Variants in DNAH3 observed in about 807,000 individuals in gnomAD.
DNAH3 encodes the protein dynein axonemal heavy chain 3.
Under a neutral mutation model 432.5 loss-of-function variants are expected in DNAH3, and 332 were observed. The ratio of observed to expected loss-of-function variants is 0.77; its 90% CI spans 0.70 to 0.84. DNAH3 has a LOEUF of 0.84. DNAH3 is among the 40% of genes least tolerant of loss of function. The probability of loss-of-function intolerance (pLI) is 0.00; values close to 1 mark genes in which losing one functional copy is unlikely to be tolerated. For synonymous variants in DNAH3, 1,956 were observed against 1,900.2 expected (o/e 1.03, Z -0.76); for missense variants, 4,861 against 5,114.0 (o/e 0.95, Z 1.51).
intron 53 of DNAH3, among the ~76,000 whole-genome samples, chr16:20,960,785 G>T (rs965447730): frequency 9.8e-5 from 15 of 152,310 alleles, no homozygotes; most frequent in Middle Eastern, 6.8e-3. Context: ...GCTCATAACT[G>T]GTCTGGAGCC....
chr16:21,061,555 TTC>T (rs1399888011), intron 25 of DNAH3, among the ~76,000 whole-genome samples: 1 of 152,238 alleles, frequency 6.6e-6, no homozygotes, highest in Non-Finnish European at 1.5e-5. Context: ...TCATGTCATT[TTC>T]TGAAACAGAC....
chr16:21,146,674 A>G (rs1291765151), intron 1 of DNAH3, among the ~76,000 whole-genome samples: 1 of 152,136 alleles, frequency 6.6e-6, no homozygotes, highest in Non-Finnish European at 1.5e-5. Flanking sequence ...ATGCTGTACA[A>G]CAGATCTCTT....
chr16:20,986,125 G>A lies in DNAH3; in HGVS notation c.7027-410C>T, dbSNP rs556627982. ...CCCACCTCGTCCTCCCAAAGTGCTG[G>A]GATTACAGGCATGAGCCACTGTGCC... On this transcript the variant is annotated intron_variant, in intron 47 of 61. Transcript: ENST00000261383. Among the ~76,000 whole-genome samples the A allele has an allele frequency of 7.2e-5, 11 of 151,848 alleles. No homozygotes were observed. The South Asian group carries it at 1.3e-3, about 17-fold the overall frequency.
chr16:20,963,599 A>G (rs1358824196), exon 53 of DNAH3: 3 of 1,613,996 alleles, frequency 1.9e-6, no homozygotes, highest in Admixed American at 3.3e-5. Context: ...AGTTTGGGTA[A>G]GGCAGATGCA....
At chr16:21,134,498 G>T (rs572630463) in intron 6 of DNAH3, 44 bp from the exon 8 acceptor site, 3 of 1,557,820 alleles carry the variant, frequency 1.9e-6, no homozygotes, top group East Asian at 2.3e-5. Context: ...AGCTCTAAGG[G>T]TTGTGCTCTT....
At chr16:21,048,447 C>T (rs1318799907) in intron 31 of DNAH3, among the ~76,000 whole-genome samples, 3 of 152,166 alleles carry the variant, frequency 2.0e-5, no homozygotes, top group Non-Finnish European at 4.4e-5. Context: ...TTCCAGGTGC[C>T]GTCTGTCACC....
chr16:20,956,370 T>A (rs1036255630), intron 54 of DNAH3, among the ~76,000 whole-genome samples: 4 of 152,228 alleles, frequency 2.6e-5, no homozygotes, highest in African/African-American at 9.6e-5. Flanking sequence ...TGCCAGAGCA[T>A]GTGCCCAGTT....
chr16:21,134,992 C>T (rs2092623119), intron 6 of DNAH3, among the ~76,000 whole-genome samples: 1 of 151,980 alleles, frequency 6.6e-6, no homozygotes. Flanking sequence ...CTGGCCTTAG[C>T]TTCAACTCTT....
intron 7 of DNAH3, among the ~76,000 whole-genome samples, chr16:21,131,396 G>A (rs550763066): frequency 1.8e-4 from 26 of 145,618 alleles, no homozygotes; most frequent in African/African-American, 6.4e-4. Flanking sequence ...AAGGAAGGAA[G>A]GACAAACAGG....
intron 48 of DNAH3, among the ~76,000 whole-genome samples, chr16:20,984,412 G>A (rs1467143273): frequency 6.6e-6 from 1 of 152,112 alleles, no homozygotes; most frequent in Non-Finnish European, 1.5e-5. Context: ...GAGACAGCTG[G>A]AGGTAACAGA....
At chr16:21,155,995 A>G (rs867011641) in intron 1 of DNAH3, among the ~76,000 whole-genome samples, 46 of 152,164 alleles carry the variant, frequency 3.0e-4, no homozygotes, top group South Asian at 1.5e-3. Context: ...GGTGGCTTAT[A>G]AACAAGAGAC....
intron 51 of DNAH3, among the ~76,000 whole-genome samples, chr16:20,971,088 G>T (rs1011046274): frequency 2.6e-4 from 39 of 151,834 alleles, no homozygotes; most frequent in African/African-American, 8.7e-4. Flanking sequence ...GGCTGGTCTC[G>T]AACTCCTGAC....
intron 23 of DNAH3, among the ~76,000 whole-genome samples, chr16:21,067,993 C>G (rs1479709637): frequency 6.6e-6 from 1 of 152,034 alleles, no homozygotes. Flanking sequence ...TCACTTGCAC[C>G]CAAACAACCT....
chr16:20,945,640 G>A (rs1229198441), intron 57 of DNAH3, among the ~76,000 whole-genome samples: 4 of 152,044 alleles, frequency 2.6e-5, no homozygotes, highest in Non-Finnish European at 5.9e-5. Flanking sequence ...ATAGGCATAT[G>A]CCATCATGCC....
At chr16:21,115,141 C>G (rs13334059) in intron 12 of DNAH3, among the ~76,000 whole-genome samples, 42,586 of 151,678 alleles carry the variant, frequency 0.28, 6,089 homozygotes, top group African/African-American at 0.33. Flanking sequence ...CTATCACAGG[C>G]ACAAAAAACT....
rs905118028 is a variant in DNAH3, at chr16:21,018,224, C to G, written c.6022+1400G>C. Among the ~76,000 whole-genome samples, 3 of 152,194 alleles carry G rather than the reference C, an allele frequency of 2.0e-5. No homozygotes were observed. The South Asian group carries it at 6.2e-4, about 32-fold the overall frequency. On this transcript the variant is annotated intron_variant, in intron 41 of 61. Coordinates refer to ENST00000261383, the Ensembl canonical transcript of DNAH3. ...TAAGATATGCAACATTACTATCTCC[C>G]CTAGAAGTTCTCTCATGGCCCTTGA... is the stretch of plus-strand genomic sequence containing the variant.
intron 20 of DNAH3, among the ~76,000 whole-genome samples, chr16:21,076,710 C>T (rs7186298): frequency 0.44 from 67,223 of 151,544 alleles, 14,808 homozygotes; most frequent in East Asian, 0.48. Context: ...TTAATTAATC[C>T]TTTTTTTTCA....
At chr16:21,005,694 T>C (rs886309181) in intron 41 of DNAH3, among the ~76,000 whole-genome samples, 4 of 148,006 alleles carry the variant, frequency 2.7e-5, no homozygotes, top group African/African-American at 1.0e-4. Flanking sequence ...TTTTTTTTTT[T>C]CCAAGAAGGG....
chr16:21,026,816 A>G (rs2088587871), intron 38 of DNAH3, among the ~76,000 whole-genome samples: 1 of 151,790 alleles, frequency 6.6e-6, no homozygotes, highest in South Asian at 2.1e-4. Context: ...AACAATCTGT[A>G]CCCCAAACCC....
Sources: allele counts gnomAD v4.1 joint callset (sites outside exome capture counted in the v4.1 genomes callset), GRCh38; gene constraint gnomAD v4.1.1; transcripts MANE v1.5; gene names NCBI Gene and HGNC (gene_info 2026-07-23, HGNC 2026-07-21).